Variants in HMGCLL1 observed in about 807,000 individuals in gnomAD.
HMGCLL1 encodes 3-hydroxymethyl-3-methylglutaryl-CoA lyase, cytoplasmic.
Under a neutral mutation model 39.1 loss-of-function variants are expected in HMGCLL1, and 36 were observed. The observed-to-expected ratio is 0.92, with a 90% CI of 0.71 to 1.22. The LOEUF is 1.22. HMGCLL1 is among the 50% of genes most tolerant of loss of function. The pLI is 0.00. For synonymous variants in HMGCLL1, 149 were observed against 144.0 expected (o/e 1.03, Z -0.25); for missense variants, 451 against 416.5 (o/e 1.08, Z -0.72).
intron 5 of HMGCLL1, chr6:55,512,985 A>G (rs4144578): frequency 0.68 from 103,299 of 151,408 alleles, 35,226 homozygotes; most frequent in Non-Finnish European, 0.7. Flanking sequence ...AGGTTTCACA[A>G]CCCATAGGCC....
chr6:55,587,764 A>G, the HMGCLL1 span, among the ~76,000 whole-genome samples: 402 of 152,266 alleles, frequency 2.6e-3, 2 homozygotes, highest in African/African-American at 9.3e-3. Context: ...CTAGTCTCTG[A>G]CTAAACAGAA....
chr6:55,497,741 G>A (rs1030818385), intron 6 of HMGCLL1, among the ~76,000 whole-genome samples: 12 of 152,166 alleles, frequency 7.9e-5, no homozygotes, highest in Admixed American at 2.0e-4. Flanking sequence ...TTACTAACTC[G>A]TTGAAGAGGG....
chr6:55,666,847 A>G, the HMGCLL1 span, among the ~76,000 whole-genome samples: 1 of 151,728 alleles, frequency 6.6e-6, no homozygotes, highest in Admixed American at 6.6e-5. Flanking sequence ...CCTTAACCAG[A>G]CATGGGAGGA....
chr6:55,590,605 T>G, the HMGCLL1 span, among the ~76,000 whole-genome samples: 2 of 151,944 alleles, frequency 1.3e-5, no homozygotes, highest in African/African-American at 4.8e-5. Context: ...ACAATCAGAG[T>G]GAACAGGAAA....
At chr6:55,641,336 A>G in the HMGCLL1 span, among the ~76,000 whole-genome samples, 1 of 152,002 alleles carries the variant, frequency 6.6e-6, no homozygotes, top group Non-Finnish European at 1.5e-5. Flanking sequence ...GAGCAGCAAC[A>G]GGTTAAAATT....
At chr6:55,574,110 T>A (rs575740541) in intron 1 of HMGCLL1, among the ~76,000 whole-genome samples, 1 of 151,798 alleles carries the variant, frequency 6.6e-6, no homozygotes, top group Non-Finnish European at 1.5e-5. Flanking sequence ...ATAAACATCA[T>A]ATATGTGTGT....
intron 7 of HMGCLL1, among the ~76,000 whole-genome samples, chr6:55,444,605 G>T (rs975025540): frequency 6.6e-6 from 1 of 151,944 alleles, no homozygotes; most frequent in Non-Finnish European, 1.5e-5. Context: ...AAGCAAAAAG[G>T]ATTTGGGAGA....
At chr6:55,468,747 T>A (rs1012142073) in intron 7 of HMGCLL1, among the ~76,000 whole-genome samples, 3 of 151,942 alleles carry the variant, frequency 2.0e-5, no homozygotes. Context: ...AATTTAATCA[T>A]AGACATTTAG....
intron 7 of HMGCLL1, among the ~76,000 whole-genome samples, chr6:55,470,870 A>G (rs1554142356): frequency 6.6e-6 from 1 of 151,702 alleles, no homozygotes; most frequent in Non-Finnish European, 1.5e-5. Context: ...TAAAACCATC[A>G]GTTATCATGA....
At chr6:55,652,131 C>T in the HMGCLL1 span, among the ~76,000 whole-genome samples, 4 of 152,042 alleles carry the variant, frequency 2.6e-5, no homozygotes, top group Non-Finnish European at 5.9e-5. Flanking sequence ...GTTCCGTGGT[C>T]ACGGGGAGGG....
chr6:55,518,256 G>A (rs202159307), intron 3 of HMGCLL1, among the ~76,000 whole-genome samples: 1 of 86,854 alleles, frequency 1.2e-5, no homozygotes, highest in Middle Eastern at 6.0e-3. Flanking sequence ...ACAATTCAAA[G>A]AAATATACTG....
intron 1 of HMGCLL1, chr6:55,563,874 A>T: frequency 7.8e-7 from 1 of 1,288,102 alleles, no homozygotes; most frequent in Non-Finnish European, 1.0e-6. Context: ...GGGCTTCCTG[A>T]GAGGTCCATG....
intron 7 of HMGCLL1, among the ~76,000 whole-genome samples, chr6:55,487,948 G>T (rs1323935345): frequency 6.6e-6 from 1 of 151,988 alleles, no homozygotes; most frequent in Non-Finnish European, 1.5e-5. Flanking sequence ...AACTCTCCAA[G>T]GTCAGTAACC....
chr6:55,485,918 C>T (rs1766003010), intron 7 of HMGCLL1, among the ~76,000 whole-genome samples: 1 of 151,440 alleles, frequency 6.6e-6, no homozygotes, highest in Non-Finnish European at 1.5e-5. Flanking sequence ...CTGATATTTT[C>T]CCTGAAAATC....
At chr6:55,627,615 G>A in the HMGCLL1 span, among the ~76,000 whole-genome samples, 2 of 151,216 alleles carry the variant, frequency 1.3e-5, no homozygotes, top group South Asian at 4.2e-4. Flanking sequence ...TCAGTGGGCT[G>A]AGGAAGGCAG....
chr6:55,677,228 C>A, the HMGCLL1 span, among the ~76,000 whole-genome samples: 4 of 152,102 alleles, frequency 2.6e-5, no homozygotes. Context: ...GAGACTCCGA[C>A]TCTACAAAAC....
intron 3 of HMGCLL1, among the ~76,000 whole-genome samples, chr6:55,529,901 T>C (rs1768548699): frequency 6.6e-6 from 1 of 152,070 alleles, no homozygotes; most frequent in Non-Finnish European, 1.5e-5. Flanking sequence ...AGTGAATAAA[T>C]GGAAACAATC....
chr6:55,440,487 C>T (rs1322047801), intron 7 of HMGCLL1, among the ~76,000 whole-genome samples: 1 of 152,030 alleles, frequency 6.6e-6, no homozygotes, highest in Admixed American at 6.6e-5. Context: ...TTATGGAAGA[C>T]ATGAGTACAA....
intron 7 of HMGCLL1, among the ~76,000 whole-genome samples, chr6:55,490,930 T>C (rs947375469): frequency 1.3e-5 from 2 of 152,086 alleles, no homozygotes; most frequent in Non-Finnish European, 2.9e-5. Flanking sequence ...ATCCAACCAC[T>C]TGTAAAAAAC....
Sources: gnomAD v4.1 joint callset for allele counts (sites outside exome capture counted in the v4.1 genomes callset) on GRCh38, gnomAD v4.1.1 for gene constraint, MANE v1.5 for transcripts, NCBI Gene and HGNC (gene_info 2026-07-23, HGNC 2026-07-21) for gene names.